Variants in MGAT4C observed in about 807,000 individuals in gnomAD.
MGAT4C encodes the protein alpha-1,3-mannosyl-glycoprotein 4-beta-N-acetylglucosaminyltransferase C.
In MGAT4C, 19 loss-of-function variants were observed where a neutral mutation model predicts 40.1. The ratio of observed to expected loss-of-function variants is 0.47; its 90% CI spans 0.33 to 0.70. The LOEUF is 0.70. Among genes scored for constraint, MGAT4C ranks in the 30% least tolerant of loss-of-function variants. The pLI, the probability that MGAT4C is intolerant of heterozygous loss-of-function variation, is 0.02. For synonymous variants in MGAT4C, 181 were observed against 187.1 expected (o/e 0.97, Z 0.27); for missense variants, 491 against 563.2 (o/e 0.87, Z 1.30).
intron 1 of MGAT4C, among the ~76,000 whole-genome samples, chr12:86,786,703 C>G (rs1319009241): frequency 6.6e-6 from 1 of 152,128 alleles, no homozygotes; most frequent in East Asian, 1.9e-4. Context: ...CTCTTCTTGT[C>G]TGAGCTCAAT....
intron 3 of MGAT4C, among the ~76,000 whole-genome samples, chr12:86,408,925 C>T (rs544433123): frequency 1.3e-5 from 2 of 152,178 alleles, no homozygotes; most frequent in Admixed American, 6.6e-5. Flanking sequence ...CGTTCAGTCA[C>T]TCAATGACTT....
At chr12:86,599,624 C>T (rs531265838) in intron 2 of MGAT4C, 1 of 152,114 alleles carries the variant, frequency 6.6e-6, no homozygotes, top group African/African-American at 2.4e-5. Context: ...TCTGAGCTCA[C>T]AGCAGGGTGG....
chr12:86,782,408 C>T (rs897309526), intron 1 of MGAT4C, among the ~76,000 whole-genome samples: 1 of 151,950 alleles, frequency 6.6e-6, no homozygotes, highest in Non-Finnish European at 1.5e-5. Flanking sequence ...GTCTCAATCT[C>T]CTGACCTCGT....
At chr12:86,104,525 T>C (rs1875785995) in intron 1 of MGAT4C, among the ~76,000 whole-genome samples, 2 of 152,152 alleles carry the variant, frequency 1.3e-5, no homozygotes, top group African/African-American at 2.4e-5. Flanking sequence ...AGTTGATTTC[T>C]GGGGAGCAGG....
At chr12:86,670,918 C>T (rs2136563469) in intron 2 of MGAT4C, among the ~76,000 whole-genome samples, 1 of 152,294 alleles carries the variant, frequency 6.6e-6, no homozygotes, top group African/African-American at 2.4e-5. Flanking sequence ...ATCACTCTAT[C>T]AACGAATGAA....
chr12:86,760,522 T>C (rs1251900859), intron 1 of MGAT4C, among the ~76,000 whole-genome samples: 8 of 151,888 alleles, frequency 5.3e-5, no homozygotes, highest in Non-Finnish European at 1.0e-4. Flanking sequence ...TCTTATTGCC[T>C]GAAACAACCT....
intron 1 of MGAT4C, among the ~76,000 whole-genome samples, chr12:86,162,274 GA>G (rs1885676046): frequency 6.6e-6 from 1 of 152,116 alleles, no homozygotes; most frequent in Non-Finnish European, 1.5e-5. Flanking sequence ...ACTGGATAAA[GA>G]AAATGTGGTA....
intron 1 of MGAT4C, among the ~76,000 whole-genome samples, chr12:86,811,498 C>T (rs1053050029): frequency 1.5e-4 from 23 of 150,568 alleles, no homozygotes; most frequent in African/African-American, 5.6e-4. Flanking sequence ...CCTGACACCA[C>T]GCCCAGCAAA....
rs567155787 is a variant in MGAT4C, at chr12:86,592,141, T to C, written c.-229+135068A>G. ...AATTAATACCATTTCATTTTGTAACTAAAGGTCTAATATTTATTTTATCAG... is the reference window on the plus strand; with the variant it reads ...AATTAATACCATTTCATTTTGTAACCAAAGGTCTAATATTTATTTTATCAG... On this transcript the variant is annotated intron_variant, in intron 2 of 7. Transcript: ENST00000548651. Among the ~76,000 whole-genome samples, 15 of 152,246 alleles carry C rather than the reference T, an allele frequency of 9.9e-5. No homozygotes were observed. In the South Asian group the frequency reaches 2.7e-3, roughly 27 times the overall value.
intron 2 of MGAT4C, among the ~76,000 whole-genome samples, chr12:86,660,526 A>T (rs546108450): frequency 1.3e-5 from 2 of 152,268 alleles, no homozygotes; most frequent in African/African-American, 4.8e-5. Context: ...AAAGAGATCT[A>T]ACCTGGGATA....
At chr12:86,064,926 T>C (rs1894384370) in intron 1 of MGAT4C, among the ~76,000 whole-genome samples, 1 of 152,130 alleles carries the variant, frequency 6.6e-6, no homozygotes, top group Non-Finnish European at 1.5e-5. Context: ...GAGAATACTA[T>C]AAACACCTCT....
At chr12:86,229,191 A>C (rs1951216255) in intron 1 of MGAT4C, among the ~76,000 whole-genome samples, 1 of 151,930 alleles carries the variant, frequency 6.6e-6, no homozygotes, top group Admixed American at 6.6e-5. Context: ...TCTCAATGAT[A>C]TAGGTAATTG....
At chr12:86,412,746 A>G (rs1956630646) in intron 3 of MGAT4C, among the ~76,000 whole-genome samples, 1 of 152,164 alleles carries the variant, frequency 6.6e-6, no homozygotes, top group Non-Finnish European at 1.5e-5. Context: ...GCAATTTGAG[A>G]AGAACATGAG....
intron 2 of MGAT4C, among the ~76,000 whole-genome samples, chr12:86,711,744 C>T (rs558997005): frequency 1.1e-3 from 168 of 152,072 alleles, no homozygotes; most frequent in Non-Finnish European, 2.2e-3. Flanking sequence ...TACACAAAAA[C>T]GAAGAATTTA....
chr12:86,644,322 A>G (rs1963476086), intron 2 of MGAT4C, among the ~76,000 whole-genome samples: 1 of 151,828 alleles, frequency 6.6e-6, no homozygotes, highest in African/African-American at 2.4e-5. Flanking sequence ...AATGTCAGAT[A>G]TATTTTAAAA....
At chr12:86,415,993 T>A (rs1956702817) in intron 3 of MGAT4C, among the ~76,000 whole-genome samples, 1 of 152,002 alleles carries the variant, frequency 6.6e-6, no homozygotes, top group South Asian at 2.1e-4. Flanking sequence ...AGAAAGAGAA[T>A]GTCATGAAAT....
intron 2 of MGAT4C, among the ~76,000 whole-genome samples, chr12:86,439,336 T>C (rs553464196): frequency 2.6e-5 from 4 of 152,020 alleles, no homozygotes; most frequent in Middle Eastern, 3.4e-3. Context: ...CTCAAAACTA[T>C]ACAAATACAT....
intron 2 of MGAT4C, among the ~76,000 whole-genome samples, chr12:86,443,185 T>C (rs1014191894): frequency 1.6e-4 from 24 of 149,832 alleles, no homozygotes; most frequent in African/African-American, 5.7e-4. Flanking sequence ...ACATTATATA[T>C]GTGTGTGTGT....
In MGAT4C at chr12:85,980,000, T is replaced by C. The variant is rs768126876; in HGVS notation, c.726A>G (p.Ala242=). The change falls in exon 5 of 5, where the codon GCA becomes GCG. Residue 242 remains alanine (A), a synonymous_variant. Transcript: ENST00000611864. Reference sequence around the variant, plus strand: ...TTACCCAGTAAGTTCCTTCTAGGGATGCAATGACTTTCTTGATGGCAGTTA... The same window carrying C: ...TTACCCAGTAAGTTCCTTCTAGGGACGCAATGACTTTCTTGATGGCAGTTA... ...NFLTAIKKVI[A]SLEGTYWVTL... 1.2e-5 allele frequency: 20 copies of C among 1,613,594 alleles called. No homozygotes were observed. The highest frequency in any genetic ancestry group is 1.4e-5 in the Non-Finnish European group (16 of 1,179,842).
Sources: allele counts gnomAD v4.1 joint callset (sites outside exome capture counted in the v4.1 genomes callset), GRCh38; gene constraint gnomAD v4.1.1; transcripts MANE v1.5; gene names NCBI Gene and HGNC (gene_info 2026-07-23, HGNC 2026-07-21).